Variants in NXPH1 observed in about 807,000 individuals in gnomAD.
NXPH1 encodes the protein neurexophilin-1.
NXPH1 carries 5 observed loss-of-function variants against 23.7 expected under a neutral mutation model. The observed-to-expected ratio is 0.21, with a 90% confidence interval of 0.11 to 0.44. The LOEUF (loss-of-function observed/expected upper bound fraction) is 0.44, where lower values mean the gene tolerates loss of function less well. Ranked by LOEUF, NXPH1 falls within the 20% of genes least tolerant of loss-of-function variation. The pLI is 0.99. For synonymous variants in NXPH1, 144 were observed against 122.2 expected (o/e 1.18, Z -1.18); for missense variants, 324 against 321.6 (o/e 1.01, Z -0.06).
intron 2 of NXPH1, among the ~76,000 whole-genome samples, chr7:8,592,246 T>C (rs1819114194): frequency 6.6e-6 from 1 of 151,758 alleles, no homozygotes; most frequent in Non-Finnish European, 1.5e-5. Flanking sequence ...TGTGTGAGAG[T>C]CCTGGGGTAG....
At chr7:8,481,681 T>G (rs1330341968) in intron 2 of NXPH1, among the ~76,000 whole-genome samples, 4 of 152,188 alleles carry the variant, frequency 2.6e-5, no homozygotes, top group Non-Finnish European at 4.4e-5. Context: ...ATTTTTTCAT[T>G]TTTATTTCAT....
Position 8,609,321 on chromosome 7 carries a change from G to T in NXPH1, c.55-141687G>T, listed in dbSNP as rs10258963. On this transcript the variant is annotated intron_variant, in intron 2 of 2. Transcript: ENST00000405863. ...TCTAAAATTATGGCAGGCACTATAC[G>T]TAAGGGCTTTATAGTTTACATTTTG... is the stretch of plus-strand genomic sequence containing the variant. Among the ~76,000 whole-genome samples the T allele has an allele frequency of 8.9e-3, 1,361 of 152,170 alleles. 20 individuals carry two copies. Among genetic ancestry groups the T allele is most frequent in the African/African-American group, 0.031 (1,295 of 41,502 alleles).
chr7:8,606,062 T>C (rs1345641148), intron 2 of NXPH1, among the ~76,000 whole-genome samples: 3 of 152,144 alleles, frequency 2.0e-5, no homozygotes, highest in African/African-American at 7.2e-5. Flanking sequence ...TTGGTGATTT[T>C]GTGCAAGGGA....
rs556840117 is a variant in NXPH1 at position 8,596,023 on chromosome 7, GATA to G, written c.55-154984_55-154982del. 3.2e-4 allele frequency among the ~76,000 whole-genome samples: 49 copies of G among 152,112 alleles called. No individual in the cohort carries two copies. The East Asian group carries it at 3.7e-3, about 11-fold the overall frequency. On this transcript the variant is annotated intron_variant, in intron 2 of 2. Coordinates refer to ENST00000405863, the MANE Select transcript of NXPH1 (RefSeq NM_152745.3). The stretch of plus-strand genomic sequence containing the variant: ...TTTAAAAAATTTAGCATGCAAGTTT[GATA>G]TGTCTATGATGTACATGTCACAGAA...
At chr7:8,719,527 A>T (rs1015836385) in intron 2 of NXPH1, among the ~76,000 whole-genome samples, 4 of 152,260 alleles carry the variant, frequency 2.6e-5, no homozygotes, top group African/African-American at 9.6e-5. Flanking sequence ...ATAATTTCAC[A>T]TTCTAAAAGT....
At chr7:8,531,217 A>G (rs1020980964) in intron 2 of NXPH1, among the ~76,000 whole-genome samples, 13 of 152,130 alleles carry the variant, frequency 8.5e-5, no homozygotes, top group African/African-American at 3.1e-4. Flanking sequence ...CATAACTATG[A>G]GCTATTATTT....
At chr7:8,557,743 C>G (rs2128620350) in intron 2 of NXPH1, among the ~76,000 whole-genome samples, 1 of 151,738 alleles carries the variant, frequency 6.6e-6, no homozygotes, top group East Asian at 2.0e-4. Context: ...CAGTGAAATT[C>G]ATCTCTCACA....
chr7:8,670,807 T>C (rs747049620), intron 2 of NXPH1, among the ~76,000 whole-genome samples: 49 of 152,080 alleles, frequency 3.2e-4, no homozygotes, highest in Non-Finnish European at 6.3e-4. Context: ...AGGGACAGGG[T>C]CTCTTTGTTC....
At chr7:8,679,343 G>T (rs180790132) in intron 2 of NXPH1, among the ~76,000 whole-genome samples, 1 of 152,244 alleles carries the variant, frequency 6.6e-6, no homozygotes, top group East Asian at 1.9e-4. Context: ...AACATTATGG[G>T]CTAGACAAAT....
At chr7:8,450,514 A>G (rs117249574) in intron 2 of NXPH1, among the ~76,000 whole-genome samples, 1,605 of 152,362 alleles carry the variant, frequency 0.011, 32 homozygotes, top group East Asian at 0.042. Context: ...TATTCAGTCT[A>G]TGTTGGATCT....
At chr7:8,512,218 A>G (rs1354025966) in intron 2 of NXPH1, among the ~76,000 whole-genome samples, 1 of 152,180 alleles carries the variant, frequency 6.6e-6, no homozygotes, top group African/African-American at 2.4e-5. Flanking sequence ...AGCGCAAAGA[A>G]TCATGTGATA....
At chr7:8,502,532 T>G (rs1050448307) in intron 2 of NXPH1, among the ~76,000 whole-genome samples, 4 of 151,508 alleles carry the variant, frequency 2.6e-5, no homozygotes, top group Non-Finnish European at 5.9e-5. Flanking sequence ...GTAATTTGAG[T>G]AGGGTAAATA....
chr7:8,569,722 T>C (rs1818611409), intron 2 of NXPH1, among the ~76,000 whole-genome samples: 1 of 151,856 alleles, frequency 6.6e-6, no homozygotes, highest in Non-Finnish European at 1.5e-5. Flanking sequence ...GTCTTCTTCC[T>C]AGAGTGGGCA....
rs1194458275 is a variant in NXPH1, at chr7:8,713,806, C to A, written c.55-37202C>A. On this transcript the variant is annotated intron_variant, in intron 2 of 2. Transcript: ENST00000405863. ...TTCGTGTTCTCTTCCCGTAATTTCTCCCAAGCTAATGGAGTCTCTCTTTCT... is the reference window on the plus strand; with the variant it reads ...TTCGTGTTCTCTTCCCGTAATTTCTACCAAGCTAATGGAGTCTCTCTTTCT... Among the ~76,000 whole-genome samples, 9 of 152,182 alleles carry A rather than the reference C, an allele frequency of 5.9e-5. No homozygotes were observed. The East Asian group carries it at 1.7e-3, about 29-fold the overall frequency.
intron 2 of NXPH1, among the ~76,000 whole-genome samples, chr7:8,446,464 T>G (rs1443447912): frequency 6.6e-6 from 1 of 152,264 alleles, no homozygotes; most frequent in Non-Finnish European, 1.5e-5. Context: ...ATTATTTTGC[T>G]TAAAATAATC....
intron 2 of NXPH1, among the ~76,000 whole-genome samples, chr7:8,653,042 A>C (rs1315035807): frequency 1.9e-4 from 29 of 151,332 alleles, no homozygotes; most frequent in Admixed American, 1.9e-3. Flanking sequence ...TTTAAAATTC[A>C]TTTTGTCTCT....
Position 8,751,131 on chromosome 7 carries a change from T to G in NXPH1, c.178T>G (p.Ser60Ala). The G allele has an allele frequency of 6.2e-7, 1 of 1,613,814 alleles. No individual in the cohort carries two copies. Among genetic ancestry groups the G allele is most frequent in the Non-Finnish European group, 8.5e-7 (1 of 1,179,786 alleles). Residue 60 changes from serine to alanine, a missense_variant, in exon 3 of 3, where the codon TCA (serine) becomes GCA (alanine). By Grantham distance (99) the Ser-to-Ala change is moderately conservative (BLOSUM62 1). Transcript: ENST00000405863. The surrounding 1 kb of genome is among the most constrained non-coding windows in gnomAD (Gnocchi z 4.5). ...AGACTTGTCTATCAGCCGACTCCTG[T>G]CACAGACTTTTCGTGGCAAAGAGAA... ...SKDLSISRLL[S>A]QTFRGKENDT...
chr7:8,718,899 A>G (rs753478950), intron 2 of NXPH1, among the ~76,000 whole-genome samples: 6 of 152,160 alleles, frequency 3.9e-5, no homozygotes, highest in Non-Finnish European at 5.9e-5. Context: ...TTTCTACCTA[A>G]CTGTATGAGG....
rs1045801492 is a variant in NXPH1, at chr7:8,674,717, T to A, written c.55-76291T>A. 3.3e-5 allele frequency among the ~76,000 whole-genome samples: 5 copies of A among 152,302 alleles called. No homozygotes were observed. The East Asian group carries it at 9.7e-4, about 29-fold the overall frequency. ...AGGGGTTCAATTGTAGCTGCATTAA[T>A]GAAGCAGGTTCTTGACAATTTTGGT... On this transcript the variant is annotated intron_variant, in intron 2 of 2. Coordinates refer to ENST00000405863, the MANE Select transcript of NXPH1 (RefSeq NM_152745.3).
Sources: gnomAD v4.1 joint callset for allele counts (sites outside exome capture counted in the v4.1 genomes callset) on GRCh38, gnomAD v4.1.1 for gene constraint, Gnocchi (gnomAD v3.1) non-coding constraint, MANE v1.5 for transcripts, NCBI Gene and HGNC (gene_info 2026-07-23, HGNC 2026-07-21) for gene names.